The following SH2D4A variants were observed in gnomAD, a reference collection of about 807,000 sequenced individuals.
SH2D4A encodes SH2 domain containing 4A.
A neutral mutation model predicts 64.7 loss-of-function variants in SH2D4A; 70 were observed. The ratio of observed to expected loss-of-function variants is 1.08; its 90% CI spans 0.89 to 1.32. SH2D4A has a LOEUF of 1.32. Ranked by LOEUF, SH2D4A falls within the 40% of genes most tolerant of loss-of-function variation. The pLI is 0.00. For missense variants in SH2D4A, 706 were observed against 540.1 expected (o/e 1.31, Z -3.04); for synonymous variants, 268 against 200.7 (o/e 1.34, Z -2.83).
chr8:19,355,015 C>A (rs1053783073), intron 4 of SH2D4A, among the ~76,000 whole-genome samples: 1 of 152,108 alleles, frequency 6.6e-6, no homozygotes, highest in Non-Finnish European at 1.5e-5. Flanking sequence ...AGATGTAGAG[C>A]AGCGAAGTAT....
intron 4 of SH2D4A, among the ~76,000 whole-genome samples, chr8:19,351,034 C>G (rs1256705122): frequency 4.6e-5 from 7 of 152,078 alleles, no homozygotes; most frequent in Admixed American, 4.6e-4. Flanking sequence ...GTCTACTTGG[C>G]CTTAGGAAAA....
intron 2 of SH2D4A, among the ~76,000 whole-genome samples, chr8:19,324,007 G>GTAGAGCT (rs1338479866): frequency 3.3e-5 from 5 of 152,162 alleles, no homozygotes; most frequent in Non-Finnish European, 5.9e-5. Context: ...TAAACTACAC[G>GTAGAGCT]TAGAGCTTAA....
At chr8:19,315,666 G>C (rs1270261146) in intron 1 of SH2D4A, among the ~76,000 whole-genome samples, 1 of 152,178 alleles carries the variant, frequency 6.6e-6, no homozygotes, top group Non-Finnish European at 1.5e-5. Flanking sequence ...TTAAGAAAGG[G>C]GCTGTGTTAG....
chr8:19,364,038 A>G, intron 6 of SH2D4A, 34 bp from the exon 7 acceptor site: 1 of 1,607,226 alleles, frequency 6.2e-7, no homozygotes, highest in Non-Finnish European at 8.5e-7. Context: ...CTGTGGGCTG[A>G]TGAGGGTTTT....
chr8:19,369,421 T>C (rs940172454), intron 7 of SH2D4A, among the ~76,000 whole-genome samples: 1 of 152,132 alleles, frequency 6.6e-6, no homozygotes, highest in African/African-American at 2.4e-5. Context: ...GTATTAGTAT[T>C]TCTTTAAATG....
intron 2 of SH2D4A, among the ~76,000 whole-genome samples, chr8:19,320,194 A>G (rs999480541): frequency 5.9e-5 from 9 of 152,228 alleles, no homozygotes; most frequent in Non-Finnish European, 1.2e-4. Context: ...GAATTGCTAT[A>G]AGGAAAAAAA....
chr8:19,360,129 C>T (rs1184906200), intron 5 of SH2D4A, among the ~76,000 whole-genome samples: 4 of 152,108 alleles, frequency 2.6e-5, no homozygotes, highest in Admixed American at 2.0e-4. Context: ...CCGTTGAATG[C>T]TCTTAATGCC....
chr8:19,371,919 T>A (rs1429746481), intron 7 of SH2D4A, among the ~76,000 whole-genome samples: 2 of 152,220 alleles, frequency 1.3e-5, no homozygotes, highest in Non-Finnish European at 2.9e-5. Flanking sequence ...ATTTCCCTGA[T>A]AAATTTTTGA....
In SH2D4A at chr8:19,393,453, T is replaced by C; in HGVS notation, c.1184T>C (p.Leu395Pro). ...YLSEDGCKHF[L>P]IDASADAYSF... ...TCGGAGGACGGCTGTAAACATTTCC[T>C]CATCGATGCCTCTGCAGACGCCTAC... The change falls in exon 9 of 10, where the codon CTC becomes CCC. Residue 395 changes from leucine (L) to proline (P), a missense_variant. Transcript: ENST00000265807. The C allele has an allele frequency of 1.2e-6, 2 of 1,614,244 alleles. No individual in the cohort carries two copies. The highest frequency in any genetic ancestry group is 1.7e-6 in the Non-Finnish European group (2 of 1,180,044).
chr8:19,348,815 C>G (rs1203421472), intron 4 of SH2D4A, among the ~76,000 whole-genome samples: 1 of 152,102 alleles, frequency 6.6e-6, no homozygotes, highest in Non-Finnish European at 1.5e-5. Context: ...GAGTACCGAG[C>G]TTGGTGAGTA....
At chr8:19,367,819 T>G (rs2053024774) in intron 7 of SH2D4A, among the ~76,000 whole-genome samples, 1 of 152,132 alleles carries the variant, frequency 6.6e-6, no homozygotes, top group Admixed American at 6.5e-5. Context: ...CTCATACCTA[T>G]AATCCCAGCA....
chr8:19,371,684 C>G (rs2053101261), intron 7 of SH2D4A, among the ~76,000 whole-genome samples: 1 of 152,118 alleles, frequency 6.6e-6, no homozygotes, highest in Non-Finnish European at 1.5e-5. Flanking sequence ...TGAATTCCCT[C>G]TTTAATAACT....
At chr8:19,373,840 T>C (rs1014870547) in intron 8 of SH2D4A, among the ~76,000 whole-genome samples, 180 bp downstream of exon 8, 3 of 152,170 alleles carry the variant, frequency 2.0e-5, no homozygotes, top group Non-Finnish European at 2.9e-5. Flanking sequence ...CATGACTGTT[T>C]AGAAAGCAGT....
rs17128232 is a variant in SH2D4A at position 19,342,014 on chromosome 8, T to C, written c.513+7157T>C. Among the ~76,000 whole-genome samples the C allele has an allele frequency of 4.7e-3, 715 of 152,288 alleles. 10 individuals carry two copies. Among genetic ancestry groups the C allele is most frequent in the African/African-American group, 0.016 (663 of 41,562 alleles). On this transcript the variant is annotated intron_variant, in intron 4 of 9. Transcript: ENST00000265807. ...CCCAAATATTGATGTGTATTCAGCA[T>C]TGTGGAATCTCTTGTGGAGGAGTCA... is the stretch of plus-strand genomic sequence containing the variant.
rs149184974 is a variant in SH2D4A, at chr8:19,393,349, T to A, written c.1080T>A (p.Leu360=). The A allele has an allele frequency of 2.2e-3, 3,511 of 1,614,074 alleles. 11 individuals carry two copies. Among genetic ancestry groups the A allele is most frequent in the Non-Finnish European group, 2.6e-3 (3,104 of 1,179,926 alleles). The change falls in exon 9 of 10, where the codon CTT becomes CTA. Residue 360 remains leucine (L), a synonymous_variant. Coordinates refer to ENST00000265807, the MANE Select transcript of SH2D4A (RefSeq NM_022071.4). ...GILTLKKANE[L]LLSTGMPGSF... ...TCACACTCAAGAAAGCAAATGAACT[T>A]CTTCTGAGCACAGGCATGCCCGGCA...
rs569101254 is a variant in SH2D4A at position 19,392,679 on chromosome 8, A to G, written c.1049-639A>G. 4.0e-5 allele frequency among the ~76,000 whole-genome samples: 6 copies of G among 151,832 alleles called. No individual in the cohort carries two copies. The East Asian group carries it at 7.7e-4, about 20-fold the overall frequency. On this transcript the variant is annotated intron_variant, in intron 8 of 9. Transcript: ENST00000265807. ...AAGGCGTTCTGTTAGACCCTTATAA[A>G]CCGTCTAACACCTGTGTGTTGCTCT... is the stretch of plus-strand genomic sequence containing the variant.
intron 8 of SH2D4A, among the ~76,000 whole-genome samples, chr8:19,380,705 G>GT (rs1585205019): frequency 6.6e-6 from 1 of 152,134 alleles, no homozygotes; most frequent in Non-Finnish European, 1.5e-5. Context: ...TTATTTCTGA[G>GT]TTTTTTATTA....
chr8:19,357,337 A>G, intron 5 of SH2D4A, 54 bp downstream of exon 5: 4 of 1,209,972 alleles, frequency 3.3e-6, no homozygotes, highest in Middle Eastern at 1.9e-4. Context: ...CATTTCCACT[A>G]ATGTTTCACA....
At chr8:19,345,171 A>T (rs1043193785) in intron 4 of SH2D4A, among the ~76,000 whole-genome samples, 1 of 152,190 alleles carries the variant, frequency 6.6e-6, no homozygotes, top group Non-Finnish European at 1.5e-5. Flanking sequence ...TGGGACAGAC[A>T]TGACTAATCA....
Sources: gnomAD v4.1 joint callset for allele counts (sites outside exome capture counted in the v4.1 genomes callset) on GRCh38, gnomAD v4.1.1 for gene constraint, MANE v1.5 for transcripts, NCBI Gene and HGNC (gene_info 2026-07-23, HGNC 2026-07-21) for gene names.